PIAS2: variants seen among roughly 807,000 people sequenced by gnomAD.
The protein encoded by PIAS2 is protein inhibitor of activated STAT 2.
In PIAS2, 19 loss-of-function variants were observed where a neutral mutation model predicts 69.7. The ratio of observed to expected loss-of-function variants is 0.27; its 90% CI spans 0.19 to 0.40. The LOEUF is 0.40. PIAS2 is among the 10% of genes least tolerant of loss of function. The pLI is 1.00. For missense variants in PIAS2, 624 were observed against 757.0 expected, an observed-to-expected ratio of 0.82 and a Z score of 2.06; for synonymous variants, 261 against 263.2, an observed-to-expected ratio of 0.99 and a Z score of 0.08.
At chr18:46,822,645 C>G (rs1254646938) in intron 11 of PIAS2, among the ~76,000 whole-genome samples, 1 of 152,104 alleles carries the variant, frequency 6.6e-6, no homozygotes, top group African/African-American at 2.4e-5. Context: ...GGTTTGAAAA[C>G]AGTGGTCCTC....
chr18:46,896,986 T>C (rs867986658), intron 1 of PIAS2, among the ~76,000 whole-genome samples: 1 of 152,180 alleles, frequency 6.6e-6, no homozygotes, highest in African/African-American at 2.4e-5. Context: ...TGGGGACATA[T>C]ATGACAAAAG....
At chr18:46,869,579 C>A (rs2050013136) in intron 2 of PIAS2, among the ~76,000 whole-genome samples, 3 of 152,132 alleles carry the variant, frequency 2.0e-5, no homozygotes, top group Admixed American at 1.3e-4. Context: ...ATGGGAAACA[C>A]CCCACGTAAG....
chr18:46,856,050 G>A (rs1353273324), intron 3 of PIAS2, among the ~76,000 whole-genome samples: 1 of 120,024 alleles, frequency 8.3e-6, no homozygotes, highest in Non-Finnish European at 1.6e-5. Flanking sequence ...CTGTCGCCCA[G>A]GCTGGAGTGC....
At chr18:46,828,771 C>T (rs544478861) in intron 10 of PIAS2, among the ~76,000 whole-genome samples, 1 of 152,170 alleles carries the variant, frequency 6.6e-6, no homozygotes, top group African/African-American at 2.4e-5. Flanking sequence ...AAGACAGTCT[C>T]ACATACCATA....
chr18:46,895,982 C>A (rs1488102982), intron 1 of PIAS2, among the ~76,000 whole-genome samples: 2 of 151,382 alleles, frequency 1.3e-5, no homozygotes, highest in Non-Finnish European at 2.9e-5. Context: ...AATTGAAAAT[C>A]AACTATTAAG....
Position 46,805,797 on chromosome 18 carries a change from GTTTGTACTTTTATT to G in PIAS2, c.*6622_*6635del, listed in dbSNP as rs778187459. 1 of 152,146 alleles carries G rather than the reference GTTTGTACTTTTATT, an allele frequency of 6.6e-6. No homozygotes were observed. Among genetic ancestry groups the G allele is most frequent in the Non-Finnish European group, 1.5e-5 (1 of 68,040 alleles). The allele number at this position is 152,146 out of a possible 1,614,324, so 9.4% of individuals were successfully genotyped here. A position where few individuals can be genotyped will look rare whatever the true frequency, so the allele number is the denominator to read the frequency against. On this transcript the variant is annotated 3_prime_UTR_variant, in exon 14 of 14. Transcript: ENST00000585916. ...AAGGCAAAAATGGATGACAAGGGAG[GTTTGTACTTTTATT>G]TAAAAGACTGCAGAAAAACCAGGAA...
intron 2 of PIAS2, among the ~76,000 whole-genome samples, chr18:46,874,931 C>T (rs552294110): frequency 1.1e-4 from 16 of 152,206 alleles, no homozygotes; most frequent in South Asian, 1.0e-3. Context: ...ACTATCTGCA[C>T]GGCCAAAAGG....
At chr18:46,903,045 C>G (rs1216694181) in intron 1 of PIAS2, among the ~76,000 whole-genome samples, 2 of 152,092 alleles carry the variant, frequency 1.3e-5, no homozygotes, top group Non-Finnish European at 2.9e-5. Context: ...AGTCTCATAC[C>G]TTATACAAAA....
intron 3 of PIAS2, among the ~76,000 whole-genome samples, chr18:46,857,900 A>T (rs1434890209): frequency 6.6e-6 from 1 of 152,214 alleles, no homozygotes; most frequent in Admixed American, 6.5e-5. Flanking sequence ...AGGTGATAAA[A>T]ATGAGTAGAA....
intron 5 of PIAS2, among the ~76,000 whole-genome samples, chr18:46,848,766 A>AGTGTGT (rs554067671): frequency 7.5e-5 from 11 of 146,410 alleles, no homozygotes; most frequent in East Asian, 4.1e-4. Flanking sequence ...AGAGAGAGAC[A>AGTGTGT]GTGTGTGTGT....
At chr18:46,916,822 GAC>G (rs961554251) in intron 1 of PIAS2, 2 of 985,310 alleles carry the variant, frequency 2.0e-6, no homozygotes, top group African/African-American at 3.5e-5. Context: ...CTTTTCTCGT[GAC>G]AGACCTGACT....
At chr18:46,889,718 T>C (rs913796031) in intron 2 of PIAS2, among the ~76,000 whole-genome samples, 1 of 152,184 alleles carries the variant, frequency 6.6e-6, no homozygotes, top group South Asian at 2.1e-4. Flanking sequence ...GCAATTCCAC[T>C]TGTGGGTATA....
chr18:46,824,864 T>C (rs898780087), intron 11 of PIAS2, among the ~76,000 whole-genome samples: 19 of 148,670 alleles, frequency 1.3e-4, no homozygotes, highest in Admixed American at 7.4e-4. Context: ...CACAAAAAAA[T>C]TAGCTGGGGG....
At position 46,820,166 on chromosome 18, in the gene PIAS2, T is replaced by G. The variant is rs184586672; in HGVS notation, c.1648+767A>C. Among the ~76,000 whole-genome samples, 1,027 of 152,276 alleles carry G rather than the reference T, an allele frequency of 6.7e-3. 35 individuals are homozygous for G. The highest frequency in any genetic ancestry group is 0.063 in the Admixed American group (959 of 15,274). Reference sequence around the variant, plus strand: ...CTTTGTCACTCAGTAGCCATTTAAGTTAACAGATTAACTATCTCAGTACAC... The same window carrying G: ...CTTTGTCACTCAGTAGCCATTTAAGGTAACAGATTAACTATCTCAGTACAC... On this transcript the variant is annotated intron_variant, in intron 12 of 13. Coordinates refer to ENST00000585916, the MANE Select transcript of PIAS2 (RefSeq NM_004671.5).
intron 8 of PIAS2, among the ~76,000 whole-genome samples, chr18:46,839,971 A>T (rs564942261): frequency 4.6e-5 from 7 of 151,482 alleles, no homozygotes; most frequent in Admixed American, 2.6e-4. Context: ...GACCAGCCTG[A>T]CCAACATGGT....
At position 46,817,863 on chromosome 18, in the gene PIAS2, T is replaced by C; in HGVS notation, c.1649-2514A>G. The C allele has an allele frequency of 3.1e-6, 3 of 970,546 alleles. No homozygotes were observed. In the South Asian group the frequency reaches 1.4e-4, roughly 46 times the overall value. 60.1% of individuals were successfully genotyped at this position (970,546 alleles called of 1,614,324 possible). A position where few individuals can be genotyped will look rare whatever the true frequency, so the allele number is the denominator to read the frequency against. On this transcript the variant is annotated intron_variant, in intron 12 of 13. Coordinates refer to ENST00000585916, the MANE Select transcript of PIAS2 (RefSeq NM_004671.5). ...TGCATTTTACATTTTAAGCAGAATATTAAAACTCTTATATAAAATCAAGTT... is the reference window on the plus strand; with the variant it reads ...TGCATTTTACATTTTAAGCAGAATACTAAAACTCTTATATAAAATCAAGTT...
At chr18:46,825,445 G>C (rs2042723882) in intron 11 of PIAS2, among the ~76,000 whole-genome samples, 1 of 152,154 alleles carries the variant, frequency 6.6e-6, no homozygotes, top group Admixed American at 6.5e-5. Context: ...AATCCAGCTA[G>C]TCATTGTCTC....
rs776146952 is a variant in PIAS2, at chr18:46,812,438, C to A, written c.1861G>T (p.Asp621Tyr). ...AGAATCAAGTGAGTCCTCCTTTAGT[C>A]CAATGAGATGATGTCAGGAATGTTA... ...GSNIPDIISL[D>Y] is the part of the protein sequence containing the mutation. Residue 621 changes from aspartate to tyrosine, a missense_variant, in exon 14 of 14, where the codon GAC becomes TAC. By Grantham distance (160) the Asp-to-Tyr change is radical (BLOSUM62 -3). This residue lies in a region of PIAS2 where 241 missense variants were observed against 257.3 expected (regional missense o/e 0.94). Transcript: ENST00000585916. 2 of 1,604,054 alleles carry A rather than the reference C, an allele frequency of 1.2e-6. No individual in the cohort carries two copies. The highest frequency in any genetic ancestry group is 2.2e-5 in the East Asian group (1 of 44,820).
intron 2 of PIAS2, among the ~76,000 whole-genome samples, chr18:46,871,744 G>A (rs1400676640): frequency 1.3e-5 from 2 of 152,150 alleles, no homozygotes; most frequent in Admixed American, 6.5e-5. Flanking sequence ...AAGGTTTAAA[G>A]CAAGAATCTT....
Sources: allele counts gnomAD v4.1 joint callset (sites outside exome capture counted in the v4.1 genomes callset), GRCh38; gene constraint gnomAD v4.1.1; regional missense constraint gnomAD v4.1.1; transcripts MANE v1.5; gene names NCBI Gene and HGNC (gene_info 2026-07-23, HGNC 2026-07-21).